Variants in AP1G1 observed in about 807,000 individuals in gnomAD.
AP1G1 encodes the protein adaptor related protein complex 1 subunit gamma 1.
Under a neutral mutation model 108.3 loss-of-function variants are expected in AP1G1, and 7 were observed. The ratio of observed to expected loss-of-function variants is 0.06; its 90% CI spans 0.04 to 0.12. The LOEUF is 0.12. AP1G1 is among the 10% of genes least tolerant of loss of function. AP1G1 has a pLI of 1.00. For missense variants in AP1G1, 756 were observed against 1,010.7 expected (o/e 0.75, Z 3.42); for synonymous variants, 379 against 353.5 (o/e 1.07, Z -0.81).
intron 15 of AP1G1, among the ~76,000 whole-genome samples, chr16:71,749,189 T>C (rs2030351602): frequency 6.6e-6 from 1 of 151,910 alleles, no homozygotes; most frequent in Non-Finnish European, 1.5e-5. Context: ...AGTGCTGGGA[T>C]TACAGGCATG....
chr16:71,773,890 G>T (rs1052194289), intron 3 of AP1G1, among the ~76,000 whole-genome samples: 1 of 145,448 alleles, frequency 6.9e-6, no homozygotes, highest in African/African-American at 2.5e-5. Flanking sequence ...AGCCTCTCAA[G>T]TAGCTGGGAC....
chr16:71,746,744 T>C (rs1385049690), intron 16 of AP1G1, 52 bp from the exon 17 acceptor site: 1 of 1,368,426 alleles, frequency 7.3e-7, no homozygotes, highest in East Asian at 2.3e-5. Flanking sequence ...AATTCACAAA[T>C]AAGCAGAGAT....
intron 2 of AP1G1, among the ~76,000 whole-genome samples, chr16:71,783,088 G>GA (rs1315785364): frequency 1.3e-5 from 2 of 151,984 alleles, no homozygotes; most frequent in Admixed American, 6.6e-5. Context: ...TTTATTTTAA[G>GA]AAAAAAATTC....
intron 1 of AP1G1, among the ~76,000 whole-genome samples, chr16:71,796,959 C>T (rs1485917609): frequency 6.6e-6 from 1 of 151,158 alleles, no homozygotes; most frequent in Non-Finnish European, 1.5e-5. Flanking sequence ...TGCTTGATTC[C>T]AGGAGTTCAA....
At chr16:71,773,672 G>C (rs1398541431) in intron 3 of AP1G1, among the ~76,000 whole-genome samples, 1 of 152,136 alleles carries the variant, frequency 6.6e-6, no homozygotes, top group Non-Finnish European at 1.5e-5. Flanking sequence ...CAGGGTAGGG[G>C]TGGTTCACAC....
At chr16:71,806,194 C>A (rs959795195) in intron 1 of AP1G1, among the ~76,000 whole-genome samples, 1 of 152,070 alleles carries the variant, frequency 6.6e-6, no homozygotes, top group Non-Finnish European at 1.5e-5. Context: ...AATCTGCCCT[C>A]AAATCTAGAA....
intron 2 of AP1G1, among the ~76,000 whole-genome samples, chr16:71,787,598 A>C (rs1322874853): frequency 6.6e-6 from 1 of 152,238 alleles, no homozygotes; most frequent in Non-Finnish European, 1.5e-5. Context: ...CTTCTCCCTC[A>C]CTAGACTTTT....
intron 1 of AP1G1, among the ~76,000 whole-genome samples, chr16:71,807,359 G>A (rs1489145406): frequency 1.3e-5 from 2 of 152,218 alleles, no homozygotes; most frequent in African/African-American, 2.4e-5. Context: ...TTGAACCCGG[G>A]AGGCGTAGGT....
intron 19 of AP1G1, among the ~76,000 whole-genome samples, chr16:71,744,397 T>C (rs2030049795): frequency 6.6e-6 from 1 of 152,102 alleles, no homozygotes; most frequent in Non-Finnish European, 1.5e-5. Context: ...GTTGCTTTAA[T>C]TACAGAAAGT....
At chr16:71,770,881 T>C (rs899828016) in intron 5 of AP1G1, among the ~76,000 whole-genome samples, 1 of 152,244 alleles carries the variant, frequency 6.6e-6, no homozygotes, top group Non-Finnish European at 1.5e-5. Flanking sequence ...CTCATTTGTA[T>C]ATTACACTAA....
chr16:71,801,306 G>C (rs1435754725), intron 1 of AP1G1, among the ~76,000 whole-genome samples: 1 of 141,594 alleles, frequency 7.1e-6, no homozygotes, highest in Non-Finnish European at 1.5e-5. Context: ...CAAAAAAAAA[G>C]AATTATATTT....
At chr16:71,762,035 C>A (rs1055354690) in intron 9 of AP1G1, among the ~76,000 whole-genome samples, 1 of 151,898 alleles carries the variant, frequency 6.6e-6, no homozygotes, top group East Asian at 1.9e-4. Flanking sequence ...AGGAATTGAT[C>A]TGACAAACAA....
intron 16 of AP1G1, among the ~76,000 whole-genome samples, chr16:71,747,701 G>C (rs2030256747): frequency 6.6e-6 from 1 of 152,098 alleles, no homozygotes; most frequent in Non-Finnish European, 1.5e-5. Context: ...TAACTTTTAG[G>C]CCAGGTGGAG....
intron 1 of AP1G1, chr16:71,807,698 T>C (rs1363235468): frequency 1.3e-6 from 1 of 749,930 alleles, no homozygotes; most frequent in Non-Finnish European, 2.0e-6. Context: ...GCAAAGATCA[T>C]TACTGTACAA....
intron 9 of AP1G1, among the ~76,000 whole-genome samples, chr16:71,762,192 A>T (rs1255215383): frequency 6.6e-6 from 1 of 152,130 alleles, no homozygotes; most frequent in Non-Finnish European, 1.5e-5. Context: ...TTAAGACAGA[A>T]TGCATTCTGA....
intron 2 of AP1G1, among the ~76,000 whole-genome samples, chr16:71,782,395 C>A (rs1567658576): frequency 6.6e-6 from 1 of 151,914 alleles, no homozygotes; most frequent in South Asian, 2.1e-4. Flanking sequence ...AACTCCTGAG[C>A]TCAAGCAATC....
At position 71,771,257 on chromosome 16, in the gene AP1G1, G is replaced by GAA; in HGVS notation, c.469-7_469-6dup. 2 of 1,381,298 alleles carry GAA rather than the reference G, an allele frequency of 1.4e-6. No individual in the cohort carries two copies. Among genetic ancestry groups the GAA allele is most frequent in the Non-Finnish European group, 1.9e-6 (2 of 1,031,524 alleles). 85.6% of individuals were successfully genotyped at this position (1,381,298 alleles called of 1,614,324 possible). A position where few individuals can be genotyped will look rare whatever the true frequency, so the allele number is the denominator to read the frequency against. ...ATGAACAGCACACAGTGCTGCCTAT[G>GAA]AAAAAAAAAATAAAAGAACAAAAGG... On this transcript the variant is annotated splice_region_variant and splice_polypyrimidine_tract_variant and intron_variant, in intron 4 of 22. Transcript: ENST00000299980.
rs942644222 is a variant in AP1G1, at chr16:71,808,785, C to T, written c.-26G>A. 7.8e-7 allele frequency: 1 copy of T among 1,289,576 alleles called. No homozygotes were observed. The highest frequency in any genetic ancestry group is 1.5e-5 in the African/African-American group (1 of 65,854). The allele number at this position is 1,289,576 out of a possible 1,614,324, so 79.9% of individuals were successfully genotyped here. ...CACCGGCCCGAAACCTCGAATGAAA[C>T]CAGCAGCTCCGGGGGCGGCGGCAGC... On this transcript the variant is annotated 5_prime_UTR_variant, in exon 1 of 23. The change creates a premature stop within an existing upstream ORF in the 5' untranslated region. Coordinates refer to ENST00000299980, the MANE Select transcript of AP1G1 (RefSeq NM_001128.6).
At chr16:71,779,708 T>C (rs1340821686) in intron 2 of AP1G1, among the ~76,000 whole-genome samples, 1 of 152,228 alleles carries the variant, frequency 6.6e-6, no homozygotes, top group Non-Finnish European at 1.5e-5. Context: ...TTTCCATGTT[T>C]CTGGCCTTTT....
Sources: gnomAD v4.1 joint callset for allele counts (sites outside exome capture counted in the v4.1 genomes callset) on GRCh38, gnomAD v4.1.1 for gene constraint, MANE v1.5 for transcripts, NCBI Gene and HGNC (gene_info 2026-07-23, HGNC 2026-07-21) for gene names.